Variants in CDH4 observed in about 807,000 individuals in gnomAD.
The protein encoded by CDH4 is cadherin-4.
In CDH4, 33 loss-of-function variants were observed where a neutral mutation model predicts 86.0. That is an observed-to-expected ratio of 0.38 (90% CI 0.29 to 0.51). CDH4 has a LOEUF of 0.51. Ranked by LOEUF, CDH4 falls within the 20% of genes least tolerant of loss-of-function variation. The probability of loss-of-function intolerance (pLI) is 0.86; values close to 1 mark genes in which losing one functional copy is unlikely to be tolerated. For synonymous variants in CDH4, 555 were observed against 549.4 expected (o/e 1.01, Z -0.14); for missense variants, 1,114 against 1,307.4 (o/e 0.85, Z 2.28).
chr20:61,604,267 C>T (rs548293412), intron 2 of CDH4, among the ~76,000 whole-genome samples: 9 of 152,334 alleles, frequency 5.9e-5, no homozygotes, highest in Middle Eastern at 3.4e-3. Flanking sequence ...CAGTCGAGGC[C>T]GAGATGCAAA....
chr20:61,671,624 G>T (rs1294869650), intron 2 of CDH4, among the ~76,000 whole-genome samples: 1 of 151,852 alleles, frequency 6.6e-6, no homozygotes, highest in Non-Finnish European at 1.5e-5. Flanking sequence ...TGGATGGATG[G>T]GTGTGTAGAT....
chr20:61,767,853 G>A (rs1281266221), intron 3 of CDH4, among the ~76,000 whole-genome samples: 1 of 152,178 alleles, frequency 6.6e-6, no homozygotes, highest in African/African-American at 2.4e-5. Context: ...CACAGCCCAG[G>A]TCTCATCCTG....
intron 4 of CDH4, among the ~76,000 whole-genome samples, chr20:61,795,826 C>CATGAGTGAATAAATGA (rs1555839780): frequency 1.2e-3 from 38 of 30,742 alleles, no homozygotes; most frequent in African/African-American, 7.0e-3. Flanking sequence ...AGCAATGTTG[C>CATGAGTGAATAAATGA]ATGAGTGAAT....
rs1275406832 is a variant in CDH4 at position 61,574,614 on chromosome 20, A to G, written c.170-168949A>G. Among the ~76,000 whole-genome samples, 3 of 152,298 alleles carry G rather than the reference A, an allele frequency of 2.0e-5. No homozygotes were observed. The East Asian group carries it at 5.8e-4, about 29-fold the overall frequency. ...AGTATAAAAATATTGCAGAGGACCC[A>G]ATGTGAGAAATACTGCGTCCGGCCA... On this transcript the variant is annotated intron_variant, in intron 2 of 15. Transcript: ENST00000614565.
At chr20:61,588,686 G>C (rs183080978) in intron 2 of CDH4, among the ~76,000 whole-genome samples, 247 of 152,110 alleles carry the variant, frequency 1.6e-3, no homozygotes, top group African/African-American at 4.9e-3. Context: ...TGTCTCCAGT[G>C]CGTTTATCTT....
intron 2 of CDH4, among the ~76,000 whole-genome samples, chr20:61,590,432 G>T (rs531047433): frequency 7.2e-5 from 11 of 152,184 alleles, no homozygotes; most frequent in Non-Finnish European, 1.5e-4. Context: ...ACTCACACCC[G>T]AAGGAGGGCA....
chr20:61,369,334 C>T (rs2084827253), intron 2 of CDH4, among the ~76,000 whole-genome samples: 1 of 151,282 alleles, frequency 6.6e-6, no homozygotes, highest in South Asian at 2.1e-4. Context: ...ACCTGTAGTC[C>T]CAGCTACTCA....
chr20:61,568,475 T>C (rs2145702049), intron 2 of CDH4, among the ~76,000 whole-genome samples: 1 of 152,332 alleles, frequency 6.6e-6, no homozygotes, highest in Admixed American at 6.5e-5. Context: ...GTCAAACCTC[T>C]TTCCTTTATA....
At chr20:61,309,376 GGTGTGC>G in intron 2 of CDH4, among the ~76,000 whole-genome samples, 1 of 16,422 alleles carries the variant, frequency 6.1e-5, no homozygotes, top group Non-Finnish European at 3.0e-4. Context: ...GAACCATGCA[GGTGTGC>G]ATAGAGGTGT....
At chr20:61,499,245 G>A (rs906757316) in intron 2 of CDH4, among the ~76,000 whole-genome samples, 4 of 152,212 alleles carry the variant, frequency 2.6e-5, no homozygotes, top group East Asian at 3.9e-4. Flanking sequence ...CATCCTCAGC[G>A]TCAGGCAGTC....
chr20:61,317,118 C>T (rs1036478412), intron 2 of CDH4, among the ~76,000 whole-genome samples: 2 of 151,982 alleles, frequency 1.3e-5, no homozygotes, highest in African/African-American at 4.8e-5. Flanking sequence ...GTGGCTCATG[C>T]CTGTGATCCC....
chr20:61,257,126 G>A (rs1447845169), intron 2 of CDH4, among the ~76,000 whole-genome samples: 2 of 152,188 alleles, frequency 1.3e-5, no homozygotes, highest in African/African-American at 4.8e-5. Flanking sequence ...TTATTCCAGC[G>A]GAGAGAGCTT....
At chr20:61,606,111 G>A (rs2086643825) in intron 2 of CDH4, among the ~76,000 whole-genome samples, 2 of 152,186 alleles carry the variant, frequency 1.3e-5, no homozygotes, top group Non-Finnish European at 2.9e-5. Context: ...GCATGGCAGA[G>A]TCCTGAGGCC....
At chr20:61,390,358 GGTTCGT>G (rs2084976073) in intron 2 of CDH4, among the ~76,000 whole-genome samples, 1 of 115,290 alleles carries the variant, frequency 8.7e-6, no homozygotes. Flanking sequence ...ACCCCGATTG[GGTTCGT>G]ACAGTCATAG....
At chr20:61,869,953 G>A (rs1983725352) in intron 6 of CDH4, among the ~76,000 whole-genome samples, 1 of 152,222 alleles carries the variant, frequency 6.6e-6, no homozygotes, top group Non-Finnish European at 1.5e-5. Flanking sequence ...GAGTCCTGTG[G>A]AGGCGGAGGA....
chr20:61,586,187 A>G (rs1403578576), intron 2 of CDH4, among the ~76,000 whole-genome samples: 1 of 151,842 alleles, frequency 6.6e-6, no homozygotes, highest in Non-Finnish European at 1.5e-5. Context: ...TATAGTGATC[A>G]TGGTGATGAT....
At chr20:61,565,089 C>G (rs77318368) in intron 2 of CDH4, among the ~76,000 whole-genome samples, 9,871 of 63,032 alleles carry the variant, frequency 0.16, 670 homozygotes, top group East Asian at 0.3. Flanking sequence ...GGTGGTGGTG[C>G]TCTTGGTGGT....
At chr20:61,486,688 G>A (rs188674663) in intron 2 of CDH4, among the ~76,000 whole-genome samples, 3 of 151,966 alleles carry the variant, frequency 2.0e-5, no homozygotes, top group South Asian at 2.1e-4. Context: ...CTAGGGGTTC[G>A]AGACTAGCCT....
At chr20:61,614,207 A>G (rs2086707931) in intron 2 of CDH4, among the ~76,000 whole-genome samples, 1 of 152,090 alleles carries the variant, frequency 6.6e-6, no homozygotes, top group Non-Finnish European at 1.5e-5. Flanking sequence ...AGGGCTGGTC[A>G]CCAGAAAGAC....
Sources: gnomAD v4.1 joint callset for allele counts (sites outside exome capture counted in the v4.1 genomes callset) on GRCh38, gnomAD v4.1.1 for gene constraint, MANE v1.5 for transcripts, NCBI Gene and HGNC (gene_info 2026-07-23, HGNC 2026-07-21) for gene names.